The following AAGAB variants were observed in gnomAD, a reference collection of about 807,000 sequenced individuals.
AAGAB encodes alpha and gamma adaptin binding protein, also known as alpha- and gamma-adaptin-binding protein p34.
Under a neutral mutation model 44.1 loss-of-function variants are expected in AAGAB, and 38 were observed. The observed-to-expected ratio is 0.86, with a 90% CI of 0.67 to 1.13. The LOEUF is 1.13. Among genes scored for constraint, AAGAB ranks in the 50% most tolerant of loss-of-function variants. The probability of loss-of-function intolerance (pLI) is 0.00; values close to 1 mark genes in which losing one functional copy is unlikely to be tolerated. For missense variants in AAGAB, 450 were observed against 373.8 expected, an observed-to-expected ratio of 1.20 and a Z score of -1.68; for synonymous variants, 131 against 131.8, an observed-to-expected ratio of 0.99 and a Z score of 0.04.
chr15:67,210,815 T>C (rs775581261), intron 5 of AAGAB, among the ~76,000 whole-genome samples: 1 of 152,210 alleles, frequency 6.6e-6, no homozygotes, highest in South Asian at 2.1e-4. Flanking sequence ...GAGGGTCTTA[T>C]GAACACAGTA....
intron 1 of AAGAB, 45 bp downstream of exon 1, chr15:67,254,514 A>G: frequency 6.4e-7 from 1 of 1,555,420 alleles, no homozygotes; most frequent in Non-Finnish European, 8.7e-7. Flanking sequence ...TCGCCCGCTG[A>G]GGCTCAGGGG....
At chr15:67,223,763 T>A (rs186027417) in intron 5 of AAGAB, among the ~76,000 whole-genome samples, 152 of 152,324 alleles carry the variant, frequency 1.0e-3, no homozygotes, top group Middle Eastern at 6.8e-3. Flanking sequence ...GTCAAAGTTA[T>A]TATGATGGCC....
intron 7 of AAGAB, among the ~76,000 whole-genome samples, chr15:67,205,677 T>A (rs577832219): frequency 6.6e-6 from 1 of 152,172 alleles, no homozygotes; most frequent in East Asian, 1.9e-4. Flanking sequence ...CTGGAAAATA[T>A]CTACCCGATT....
upstream of AAGAB, chr15:67,255,172 C>A (rs543018360): frequency 5.0e-6 from 3 of 594,222 alleles, no homozygotes; most frequent in Non-Finnish European, 6.1e-6. Flanking sequence ...GACTTTCTGC[C>A]TCTGGGAAAA....
intron 8 of AAGAB, among the ~76,000 whole-genome samples, 171 bp from the exon 9 acceptor site, chr15:67,203,768 G>T (rs781295215): frequency 1.3e-5 from 2 of 152,302 alleles, no homozygotes; most frequent in African/African-American, 2.4e-5. Context: ...GGAATGATGT[G>T]AGTAAATTGG....
intron 5 of AAGAB, among the ~76,000 whole-genome samples, chr15:67,230,245 A>G (rs1018901323): frequency 3.9e-5 from 6 of 152,182 alleles, no homozygotes; most frequent in Non-Finnish European, 7.3e-5. Flanking sequence ...AACCCTATAC[A>G]GGAAGCAATT....
intron 1 of AAGAB, among the ~76,000 whole-genome samples, chr15:67,249,910 A>G (rs978375226): frequency 1.3e-5 from 2 of 152,236 alleles, no homozygotes; most frequent in Non-Finnish European, 2.9e-5. Flanking sequence ...CATGTTTGGG[A>G]AGAGTACAGA....
At chr15:67,218,948 T>C (rs1402375842) in intron 5 of AAGAB, among the ~76,000 whole-genome samples, 1 of 152,144 alleles carries the variant, frequency 6.6e-6, no homozygotes, top group Non-Finnish European at 1.5e-5. Flanking sequence ...ACTGGAGATA[T>C]CTAAAAAGCG....
Position 67,202,806 on chromosome 15 carries a change from C to T in AAGAB, c.*15G>A, listed in dbSNP as rs1963596278. The T allele has an allele frequency of 6.2e-7, 1 of 1,612,476 alleles. No homozygotes were observed. The highest frequency in any genetic ancestry group is 1.1e-5 in the South Asian group (1 of 91,038). ...CAGCTAGCATCTTTGTTGGTCAAAC[C>T]CTAGTATGAATAATTCAGTGCTCTT... On this transcript the variant is annotated 3_prime_UTR_variant, in exon 10 of 10. Coordinates refer to ENST00000261880, the MANE Select transcript of AAGAB (RefSeq NM_024666.5).
intron 5 of AAGAB, among the ~76,000 whole-genome samples, chr15:67,214,221 G>A (rs1963888790): frequency 6.6e-6 from 1 of 152,166 alleles, no homozygotes; most frequent in Non-Finnish European, 1.5e-5. Context: ...CCTTTATTAA[G>A]TCCCTGGTTT....
chr15:67,250,698 C>T (rs1567034584), intron 1 of AAGAB, among the ~76,000 whole-genome samples: 1 of 152,066 alleles, frequency 6.6e-6, no homozygotes, highest in Non-Finnish European at 1.5e-5. Flanking sequence ...ATTACAAGTC[C>T]CTCAAGCATC....
At chr15:67,205,044 G>C (rs1169799054) in intron 7 of AAGAB, among the ~76,000 whole-genome samples, 1 of 152,210 alleles carries the variant, frequency 6.6e-6, no homozygotes, top group Non-Finnish European at 1.5e-5. Context: ...CTTTGCAACA[G>C]CCCTATGAGG....
chr15:67,241,040 TACACACACAC>T (rs10525823), intron 1 of AAGAB, among the ~76,000 whole-genome samples: 2 of 147,076 alleles, frequency 1.4e-5, no homozygotes, highest in East Asian at 2.0e-4. Context: ...TCTGTTCTCC[TACACACACAC>T]ACACACACAC....
rs1032069083 is a variant in AAGAB, at chr15:67,200,691, T to A, written c.*2130A>T. Among the ~76,000 whole-genome samples the A allele has an allele frequency of 1.3e-5, 2 of 152,242 alleles. No individual in the cohort carries two copies. The highest frequency in any genetic ancestry group is 4.8e-5 in the African/African-American group (2 of 41,464). ...CTTATTTTAAATTCCAGCTGGCAAT[T>A]CTGTAACAACTTGTGGTAGCATGAA... On this transcript the variant is annotated 3_prime_UTR_variant, in exon 10 of 10. Coordinates refer to ENST00000261880, the MANE Select transcript of AAGAB (RefSeq NM_024666.5).
At chr15:67,218,919 G>A (rs952097060) in intron 5 of AAGAB, among the ~76,000 whole-genome samples, 1 of 152,170 alleles carries the variant, frequency 6.6e-6, no homozygotes, top group African/African-American at 2.4e-5. Context: ...AGACGGTATA[G>A]ACAAGGAAAA....
chr15:67,225,487 A>C (rs1964182517), intron 5 of AAGAB, among the ~76,000 whole-genome samples: 1 of 152,202 alleles, frequency 6.6e-6, no homozygotes, highest in African/African-American at 2.4e-5. Context: ...AAAGTTGTGC[A>C]ACCATCATCA....
At position 67,236,306 on chromosome 15, in the gene AAGAB, G is replaced by A. The variant is rs908694678; in HGVS notation, c.361+102C>T. On this transcript the variant is annotated intron_variant, in intron 3 of 9. Coordinates refer to ENST00000261880, the MANE Select transcript of AAGAB (RefSeq NM_024666.5). Reference sequence around the variant, plus strand: ...GAAAATATTTTCATAAAGCCATAAAGTCACATGGGATGTATGTCCTAAGTT... The same window carrying A: ...GAAAATATTTTCATAAAGCCATAAAATCACATGGGATGTATGTCCTAAGTT... 33 of 1,150,126 alleles carry A rather than the reference G, an allele frequency of 2.9e-5. No individual in the cohort carries two copies. The African/African-American group carries it at 4.4e-4, about 15-fold the overall frequency. 71.2% of individuals were successfully genotyped at this position (1,150,126 alleles called of 1,614,324 possible).
chr15:67,203,060 C>T (rs149982455), intron 9 of AAGAB, among the ~76,000 whole-genome samples, 162 bp from the exon 10 acceptor site: 1 of 152,146 alleles, frequency 6.6e-6, no homozygotes, highest in African/African-American at 2.4e-5. Context: ...CCCATGATCG[C>T]CACATCTAGA....
intron 1 of AAGAB, among the ~76,000 whole-genome samples, chr15:67,242,546 T>C (rs1964628517): frequency 6.6e-6 from 1 of 152,094 alleles, no homozygotes; most frequent in African/African-American, 2.4e-5. Flanking sequence ...AGGTGGGTGC[T>C]GCTCTGTCAA....
Sources: gnomAD v4.1 joint callset for allele counts (sites outside exome capture counted in the v4.1 genomes callset) on GRCh38, gnomAD v4.1.1 for gene constraint, MANE v1.5 for transcripts, NCBI Gene and HGNC (gene_info 2026-07-23, HGNC 2026-07-21) for gene names.